Variants in KLF7 observed in about 807,000 individuals in gnomAD.
The protein encoded by KLF7 is KLF transcription factor 7, also known as Krueppel-like factor 7.
KLF7 carries 2 observed loss-of-function variants against 27.3 expected under a neutral mutation model. That is an observed-to-expected ratio of 0.07 (90% CI 0.03 to 0.23). The LOEUF (loss-of-function observed/expected upper bound fraction) is 0.23, where lower values mean the gene tolerates loss of function less well. Among genes scored for constraint, KLF7 ranks in the 10% least tolerant of loss-of-function variants. The pLI is 1.00. For synonymous variants in KLF7, 165 were observed against 162.4 expected (o/e 1.02, Z -0.12); for missense variants, 221 against 394.1 (o/e 0.56, Z 3.72).
intron 1 of KLF7, among the ~76,000 whole-genome samples, chr2:207,159,584 A>G (rs992366764): frequency 1.3e-5 from 2 of 152,220 alleles, no homozygotes; most frequent in Non-Finnish European, 2.9e-5. Flanking sequence ...GCACATAAAA[A>G]GGGCTTAAGG....
intron 1 of KLF7, among the ~76,000 whole-genome samples, chr2:207,150,292 GA>G (rs1186296226): frequency 6.6e-6 from 1 of 152,176 alleles, no homozygotes; most frequent in Non-Finnish European, 1.5e-5. Flanking sequence ...AAACACACAT[GA>G]ATACACACGA....
At chr2:207,114,053 G>A (rs1009298140) in intron 2 of KLF7, among the ~76,000 whole-genome samples, 2 of 152,084 alleles carry the variant, frequency 1.3e-5, no homozygotes, top group East Asian at 1.9e-4. Flanking sequence ...TTTTCTAAAC[G>A]CTAATATTTA....
At chr2:207,166,162 G>C (rs910499070), upstream of KLF7, 3 of 985,818 alleles carry the variant, frequency 3.0e-6, no homozygotes, top group African/African-American at 5.3e-5. Context: ...GGGATCTCGA[G>C]GAGGGCGTCC....
At chr2:207,087,249 G>A (rs145279360) in intron 3 of KLF7, among the ~76,000 whole-genome samples, 3 of 152,278 alleles carry the variant, frequency 2.0e-5, no homozygotes, top group South Asian at 2.1e-4. Flanking sequence ...GCTCCAGGAC[G>A]CATGGGGTCT....
chr2:207,123,577 C>T (rs964470884), intron 2 of KLF7, among the ~76,000 whole-genome samples, 197 bp downstream of exon 2: 7 of 152,168 alleles, frequency 4.6e-5, no homozygotes, highest in African/African-American at 1.7e-4. Context: ...TAGGGACAAA[C>T]CCGTCTGTGC....
At chr2:207,092,046 C>T (rs961055056) in intron 2 of KLF7, among the ~76,000 whole-genome samples, 1 of 152,204 alleles carries the variant, frequency 6.6e-6, no homozygotes, top group African/African-American at 2.4e-5. Context: ...CATGCAAAAT[C>T]AGCTCTTCTC....
intron 2 of KLF7, among the ~76,000 whole-genome samples, chr2:207,106,217 G>A (rs890900711): frequency 4.6e-5 from 7 of 152,118 alleles, no homozygotes; most frequent in South Asian, 2.1e-4. Context: ...GCTTTTAAAC[G>A]GGGGCATAAC....
Position 207,111,064 on chromosome 2 carries a change from G to T in KLF7, c.733+12710C>A, listed in dbSNP as rs138293877. ...TACCCCCAACCCCACATATGACCAT[G>T]AAAAATGTCTCCAGACATTGCTAAA... On this transcript the variant is annotated intron_variant, in intron 2 of 3. Coordinates refer to ENST00000309446, the MANE Select transcript of KLF7 (RefSeq NM_003709.4). Among the ~76,000 whole-genome samples, 14 of 152,192 alleles carry T rather than the reference G, an allele frequency of 9.2e-5. 1 individual carries two copies. The East Asian group carries it at 2.5e-3, about 27-fold the overall frequency.
chr2:207,082,005 G>C (rs1012565736), intron 3 of KLF7, among the ~76,000 whole-genome samples: 7 of 151,928 alleles, frequency 4.6e-5, no homozygotes, highest in African/African-American at 1.7e-4. Context: ...TGTGTGTGTT[G>C]GGGGCAGAAA....
chr2:207,148,304 C>G (rs2078151974), intron 1 of KLF7, among the ~76,000 whole-genome samples: 1 of 152,198 alleles, frequency 6.6e-6, no homozygotes, highest in Admixed American at 6.5e-5. Flanking sequence ...TTCACCTTCA[C>G]TTACTCATGG....
rs568085662 is a variant in KLF7 at position 207,159,141 on chromosome 2, C to T, written c.102+6326G>A. ...GACCCTCAGGAAATGTCAATACACC[C>T]ACATTCAAAAATAGATATCGCATAT... On this transcript the variant is annotated intron_variant, in intron 1 of 3. Coordinates refer to ENST00000309446, the MANE Select transcript of KLF7 (RefSeq NM_003709.4). 4.6e-5 allele frequency among the ~76,000 whole-genome samples: 7 copies of T among 152,332 alleles called. No individual in the cohort carries two copies. In the South Asian group the frequency reaches 1.4e-3, roughly 32 times the overall value.
intron 3 of KLF7, among the ~76,000 whole-genome samples, chr2:207,086,588 C>T (rs1401291701): frequency 6.6e-6 from 1 of 152,194 alleles, no homozygotes; most frequent in Non-Finnish European, 1.5e-5. Context: ...CCAAATCACC[C>T]ATCTCTGACA....
At position 207,124,085 on chromosome 2, in the gene KLF7, G is replaced by C; in HGVS notation, c.422C>G (p.Ser141Cys). The change falls in exon 2 of 4, where the codon TCC becomes TGC. Residue 141 changes from serine to cysteine, a missense_variant. Transcript: ENST00000309446. ...GACCAGATGGCGGCTGAGCTCAGGG[G>C]ACGATGGGGGCGTTAATGAGGTCAC... ...NAVTSLTPPS[S>C]PELSRHLVKT... The C allele has an allele frequency of 6.2e-7, 1 of 1,614,186 alleles. No homozygotes were observed.
chr2:207,157,875 T>A (rs2078433672), intron 1 of KLF7, among the ~76,000 whole-genome samples: 1 of 152,204 alleles, frequency 6.6e-6, no homozygotes, highest in Non-Finnish European at 1.5e-5. Flanking sequence ...AGACGAATAA[T>A]CACATTATTA....
intron 2 of KLF7, among the ~76,000 whole-genome samples, chr2:207,120,683 C>T (rs576114095): frequency 1.3e-5 from 2 of 152,150 alleles, no homozygotes; most frequent in African/African-American, 4.8e-5. Flanking sequence ...TCTTCATTTC[C>T]ACATTTGGTC....
intron 2 of KLF7, 112 bp downstream of exon 2, chr2:207,123,662 C>A: frequency 8.3e-7 from 1 of 1,201,792 alleles, no homozygotes; most frequent in Non-Finnish European, 1.2e-6. Flanking sequence ...GCCTGTCTAT[C>A]ACCTCCTCAT....
chr2:207,079,682 T>C lies in KLF7; in HGVS notation c.*1531A>G, dbSNP rs547752929. The C allele has an allele frequency of 1.3e-5, 2 of 152,224 alleles. No individual in the cohort carries two copies. Among genetic ancestry groups the C allele is most frequent in the African/African-American group, 2.4e-5 (1 of 41,528 alleles). The allele number at this position is 152,224 out of a possible 1,614,324, so 9.4% of individuals were successfully genotyped here. On this transcript the variant is annotated 3_prime_UTR_variant, in exon 4 of 4. Transcript: ENST00000309446. ...GACTGTAGACTCCTTTGGAGTCAGCTTGCAGAGTAAATGTGAGGCCTCTGT... is the reference window on the plus strand; with the variant it reads ...GACTGTAGACTCCTTTGGAGTCAGCCTGCAGAGTAAATGTGAGGCCTCTGT...
At chr2:207,107,511 G>A (rs2076910893) in intron 2 of KLF7, among the ~76,000 whole-genome samples, 1 of 152,176 alleles carries the variant, frequency 6.6e-6, no homozygotes, top group South Asian at 2.1e-4. Context: ...AAATATGAGT[G>A]TGTGTAAAAT....
chr2:207,090,364 G>C (rs1045657522), intron 2 of KLF7, among the ~76,000 whole-genome samples: 3 of 152,212 alleles, frequency 2.0e-5, no homozygotes, highest in African/African-American at 7.2e-5. Flanking sequence ...ATAACCTTTG[G>C]AGTCAGCCTA....
Sources: gnomAD v4.1 joint callset for allele counts (sites outside exome capture counted in the v4.1 genomes callset) on GRCh38, gnomAD v4.1.1 for gene constraint, MANE v1.5 for transcripts, NCBI Gene and HGNC (gene_info 2026-07-23, HGNC 2026-07-21) for gene names.